The following CRYM variants were observed in gnomAD, a reference collection of about 807,000 sequenced individuals.
CRYM encodes ketimine reductase mu-crystallin.
Under a neutral mutation model 32.9 loss-of-function variants are expected in CRYM, and 18 were observed. That is an observed-to-expected ratio of 0.55 (90% CI 0.38 to 0.81). The LOEUF (loss-of-function observed/expected upper bound fraction) is 0.81, where lower values mean the gene tolerates loss of function less well. Ranked by LOEUF, CRYM falls within the 30% of genes least tolerant of loss-of-function variation. CRYM has a pLI of 0.00. For missense variants in CRYM, 337 were observed against 393.5 expected (o/e 0.86, Z 1.21); for synonymous variants, 153 against 152.4 (o/e 1.00, Z -0.03).
In CRYM at chr16:21,277,950, C is replaced by T; in HGVS notation, c.170+132G>A. ...GCCCACTTAGCACACCGGGTAGCGCCTATTAAAAGTGGCAGCTGTTAGCAA... is the reference window on the plus strand; with the variant it reads ...GCCCACTTAGCACACCGGGTAGCGCTTATTAAAAGTGGCAGCTGTTAGCAA... On this transcript the variant is annotated intron_variant, in intron 1 of 7. Coordinates refer to ENST00000572914, the MANE Select transcript of CRYM (RefSeq NM_001376256.1). This position sits in a 1 kb window ranked among gnomAD's most constrained non-coding sequence, Gnocchi z 4.2. 9.6e-7 allele frequency: 1 copy of T among 1,044,104 alleles called. No individual in the cohort carries two copies. Among genetic ancestry groups the T allele is most frequent in the Admixed American group, 2.4e-5 (1 of 42,166 alleles). The allele number at this position is 1,044,104 out of a possible 1,614,324, so 64.7% of individuals were successfully genotyped here.
At chr16:21,276,189 C>T (rs226043) in intron 2 of CRYM, among the ~76,000 whole-genome samples, 40,827 of 152,104 alleles carry the variant, frequency 0.27, 5,925 homozygotes, top group African/African-American at 0.36. Context: ...CACTCCTCTC[C>T]CTGTTATTCA....
At chr16:21,266,787 T>C (rs1322113419) in intron 5 of CRYM, among the ~76,000 whole-genome samples, 1 of 152,076 alleles carries the variant, frequency 6.6e-6, no homozygotes, top group Non-Finnish European at 1.5e-5. Context: ...GGTAGAGTGC[T>C]TGAGGCCAGG....
At chr16:21,280,172 G>T (rs1169784589), upstream of CRYM, among the ~76,000 whole-genome samples, 3 of 152,172 alleles carry the variant, frequency 2.0e-5, no homozygotes, top group African/African-American at 7.2e-5. Flanking sequence ...CTGAGGTGAG[G>T]AGTTCGAGAC....
chr16:21,277,686 C>G lies in CRYM; in HGVS notation c.171-102G>C, dbSNP rs2093389746. The G allele has an allele frequency of 2.3e-6, 3 of 1,301,434 alleles. No individual in the cohort carries two copies. The African/African-American group carries it at 4.4e-5, about 19-fold the overall frequency. The allele number at this position is 1,301,434 out of a possible 1,614,324, so 80.6% of individuals were successfully genotyped here. A position where few individuals can be genotyped will look rare whatever the true frequency, so the allele number is the denominator to read the frequency against. On this transcript the variant is annotated intron_variant, in intron 1 of 7. Transcript: ENST00000572914. The surrounding 1 kb of genome is among the most constrained non-coding windows in gnomAD (Gnocchi z 4.2). ...CTTTTTCTTTCCTTCCTCACCACCC[C>G]ACTGGCCCTCTTCCAGCCCCCGCAT...
chr16:21,279,263 T>C (rs185799267), upstream of CRYM, among the ~76,000 whole-genome samples: 1 of 152,308 alleles, frequency 6.6e-6, no homozygotes, highest in East Asian at 1.9e-4. Context: ...TAGGGAGGTG[T>C]TGTTATTAGT....
At chr16:21,273,305 C>T (rs528918938) in intron 3 of CRYM, among the ~76,000 whole-genome samples, 33 of 152,254 alleles carry the variant, frequency 2.2e-4, no homozygotes, top group African/African-American at 7.5e-4. Flanking sequence ...ATTCTACTCT[C>T]AAGGCAACAA....
rs147932043 is a variant in CRYM, at chr16:21,275,686, T to G, written c.325-92A>C. The G allele has an allele frequency of 6.0e-4, 618 of 1,036,182 alleles. 2 individuals carry two copies. In the African/African-American group the frequency reaches 8.9e-3, roughly 15 times the overall value. 64.2% of individuals were successfully genotyped at this position (1,036,182 alleles called of 1,614,324 possible). A position where few individuals can be genotyped will look rare whatever the true frequency, so the allele number is the denominator to read the frequency against. On this transcript the variant is annotated intron_variant, in intron 2 of 7. Transcript: ENST00000572914. ...TTCTAAAATATTAGCTTAGGAAGTTTTATAGCATCCTACAAACAGCATGGG... is the reference window on the plus strand; with the variant it reads ...TTCTAAAATATTAGCTTAGGAAGTTGTATAGCATCCTACAAACAGCATGGG...
At chr16:21,291,544 G>A (rs1597629327) in intron 1 of CRYM, among the ~76,000 whole-genome samples, 1 of 152,060 alleles carries the variant, frequency 6.6e-6, no homozygotes, top group Non-Finnish European at 1.5e-5. Context: ...AAGATTCAAA[G>A]CTTATGTGCA....
intron 3 of CRYM, among the ~76,000 whole-genome samples, chr16:21,270,675 A>T (rs1311552784): frequency 6.6e-6 from 1 of 152,142 alleles, no homozygotes; most frequent in South Asian, 2.1e-4. Flanking sequence ...TCTCAGGTAC[A>T]TGCTCAGCCA....
upstream of CRYM, chr16:21,278,339 G>A: frequency 1.4e-5 from 21 of 1,489,588 alleles, no homozygotes; most frequent in Non-Finnish European, 1.9e-5. Context: ...CCGCTGCTCT[G>A]TGGAGCCGCC....
upstream of CRYM, among the ~76,000 whole-genome samples, chr16:21,281,109 ACTCTCTCTCT>A (rs34104117): frequency 1.3e-4 from 17 of 127,348 alleles, no homozygotes; most frequent in East Asian, 3.0e-4. Flanking sequence ...TCTCTCTCTC[ACTCTCTCTCT>A]CTCTCTCTCT....
chr16:21,302,367 C>T (rs953194841), intron 1 of CRYM, among the ~76,000 whole-genome samples: 1 of 152,142 alleles, frequency 6.6e-6, no homozygotes, highest in African/African-American at 2.4e-5. Context: ...GTTAAGTGTT[C>T]CATAAATGGC....
At chr16:21,301,863 G>C (rs575781808) in intron 1 of CRYM, among the ~76,000 whole-genome samples, 1 of 152,332 alleles carries the variant, frequency 6.6e-6, no homozygotes, top group Admixed American at 6.5e-5. Context: ...CGGCGGAGGC[G>C]GAGGCGGCAG....
At chr16:21,270,052 G>A (rs563618991) in intron 3 of CRYM, among the ~76,000 whole-genome samples, 161 bp from the exon 4 acceptor site, 15 of 152,214 alleles carry the variant, frequency 9.9e-5, no homozygotes, top group Middle Eastern at 3.4e-3. Flanking sequence ...AGTTTCCCCC[G>A]TATCAAGTGG....
At chr16:21,268,053 T>G (rs766965714) in intron 4 of CRYM, among the ~76,000 whole-genome samples, 9 of 152,226 alleles carry the variant, frequency 5.9e-5, no homozygotes, top group Admixed American at 2.0e-4. Flanking sequence ...AATAGCATAA[T>G]GATTAGCAGA....
At chr16:21,301,474 T>G (rs545994870) in intron 1 of CRYM, 2 of 151,722 alleles carry the variant, frequency 1.3e-5, no homozygotes, top group African/African-American at 4.9e-5. Flanking sequence ...GTGGGTGAGG[T>G]CTCCGCCCCC....
At chr16:21,287,123 A>G (rs1479119106) in intron 1 of CRYM, among the ~76,000 whole-genome samples, 1 of 152,162 alleles carries the variant, frequency 6.6e-6, no homozygotes, top group Non-Finnish European at 1.5e-5. Flanking sequence ...TTAATTTTAG[A>G]ATTTGAAATT....
intron 2 of CRYM, among the ~76,000 whole-genome samples, chr16:21,275,990 C>T (rs878929382): frequency 5.9e-5 from 9 of 152,242 alleles, no homozygotes; most frequent in East Asian, 5.8e-4. Context: ...ATCTGGACAA[C>T]GGCCATGAAA....
chr16:21,264,308 C>CT (rs2093359915), intron 5 of CRYM, among the ~76,000 whole-genome samples: 1 of 152,230 alleles, frequency 6.6e-6, no homozygotes, highest in African/African-American at 2.4e-5. Flanking sequence ...CACTCCTTCT[C>CT]ACTGGACTAT....
Sources: allele counts gnomAD v4.1 joint callset (sites outside exome capture counted in the v4.1 genomes callset), GRCh38; gene constraint gnomAD v4.1.1; non-coding constraint Gnocchi (gnomAD v3.1); transcripts MANE v1.5; gene names NCBI Gene and HGNC (gene_info 2026-07-23, HGNC 2026-07-21).